The following VPS13B variants were observed in gnomAD, a reference collection of about 807,000 sequenced individuals.
VPS13B encodes the protein vacuolar protein sorting 13 homolog B.
A neutral mutation model predicts 426.4 loss-of-function variants in VPS13B; 285 were observed. The observed-to-expected ratio is 0.67, with a 90% CI of 0.61 to 0.74. The LOEUF is 0.74. Ranked by LOEUF, VPS13B falls within the 30% of genes least tolerant of loss-of-function variation. VPS13B has a pLI of 0.00. For synonymous variants in VPS13B, 1,676 were observed against 1,676.4 expected (o/e 1.00, Z 0.01); for missense variants, 4,537 against 4,782.6 (o/e 0.95, Z 1.51).
intron 3 of VPS13B, among the ~76,000 whole-genome samples, chr8:99,088,003 G>A (rs1845930670): frequency 1.3e-5 from 2 of 151,850 alleles, no homozygotes; most frequent in South Asian, 4.2e-4. Flanking sequence ...GGCCAATATG[G>A]TGAAACCCCA....
rs750181595 is a variant in VPS13B at position 99,520,896 on chromosome 8, C to T, written c.4634-3C>T. 2 of 1,612,868 alleles carry T rather than the reference C, an allele frequency of 1.2e-6. No homozygotes were observed. The highest frequency in any genetic ancestry group is 1.1e-5 in the South Asian group (1 of 91,052). On this transcript the variant is annotated splice_polypyrimidine_tract_variant and splice_region_variant and intron_variant, in intron 29 of 61. Coordinates refer to ENST00000357162, the MANE Select transcript of VPS13B (RefSeq NM_152564.5). Reference sequence around the variant, plus strand: ...ATTCATGAATCTCCTTCTTTTGTTACAGCTAATCAGGCAGCAAAAGAAGAC... The same window carrying T: ...ATTCATGAATCTCCTTCTTTTGTTATAGCTAATCAGGCAGCAAAAGAAGAC...
intron 29 of VPS13B, among the ~76,000 whole-genome samples, chr8:99,512,476 A>G (rs1821841196): frequency 6.6e-6 from 1 of 152,216 alleles, no homozygotes; most frequent in Admixed American, 6.5e-5. Context: ...AGGTTAGAAA[A>G]CAGAAATCTA....
At chr8:99,350,839 ATATG>A (rs1811840875) in intron 19 of VPS13B, among the ~76,000 whole-genome samples, 1 of 151,522 alleles carries the variant, frequency 6.6e-6, no homozygotes, top group Non-Finnish European at 1.5e-5. Flanking sequence ...GATATGAATT[ATATG>A]TATATGTAAT....
In VPS13B at chr8:99,135,118, A is replaced by G. The variant is rs1810007051; in HGVS notation, c.1406A>G (p.Asn469Ser). Residue 469 changes from asparagine to serine, a missense_variant, in exon 10 of 62, where the codon AAT becomes AGT. Asn to Ser is a conservative substitution (Grantham distance 46). Transcript: ENST00000357162. ...GIMGVKDFEE[N>S]MNRSETEACF... Reference sequence around the variant, plus strand: ...ATGGGTGTTAAAGATTTTGAAGAGAATATGAATAGAAGTGAAACTGTAAGT... The same window carrying G: ...ATGGGTGTTAAAGATTTTGAAGAGAGTATGAATAGAAGTGAAACTGTAAGT... The G allele has an allele frequency of 6.2e-7, 1 of 1,613,508 alleles. No individual in the cohort carries two copies. The highest frequency in any genetic ancestry group is 8.5e-7 in the Non-Finnish European group (1 of 1,179,552).
intron 17 of VPS13B, among the ~76,000 whole-genome samples, chr8:99,204,207 C>T (rs993754578): frequency 2.0e-5 from 3 of 152,160 alleles, no homozygotes; most frequent in African/African-American, 4.8e-5. Context: ...TAACACCACA[C>T]ATCTACAACC....
Position 99,384,226 on chromosome 8 carries a change from G to A in VPS13B, c.2843G>A (p.Ser948Asn), listed in dbSNP as rs749988222. 10 of 1,613,924 alleles carry A rather than the reference G, an allele frequency of 6.2e-6. No individual in the cohort carries two copies. The highest frequency in any genetic ancestry group is 3.3e-4 in the Middle Eastern group (2 of 6,058). The change falls in exon 20 of 62, where the codon AGT (serine) becomes AAT (asparagine). Residue 948 changes from serine (S) to asparagine (N), a missense_variant. Ser to Asn is a conservative substitution (Grantham distance 46, BLOSUM62 1). This residue lies in a region of VPS13B where 4,311 missense variants were observed against 4,474.3 expected (regional missense o/e 0.96). Coordinates refer to ENST00000357162, the MANE Select transcript of VPS13B (RefSeq NM_152564.5). ...CTTTTAGGTGCTGTACTTCTTTGCA[G>A]TATACAAGGACTAGCAGTTAATATT... ...CHNSGAVLLC[S>N]IQGLAVNIDP...
intron 35 of VPS13B, among the ~76,000 whole-genome samples, chr8:99,667,962 C>G (rs538838630): frequency 3.3e-5 from 5 of 152,162 alleles, no homozygotes; most frequent in African/African-American, 1.2e-4. Context: ...AATAACATTC[C>G]CTTTCCTTGA....
intron 23 of VPS13B, 67 bp from the exon 24 acceptor site, chr8:99,467,347 T>G: frequency 3.4e-6 from 5 of 1,450,446 alleles, no homozygotes; most frequent in Non-Finnish European, 4.8e-6. Context: ...TACATTTTAC[T>G]ATCAAGTGAA....
chr8:99,763,527 T>C (rs934553696), intron 39 of VPS13B, among the ~76,000 whole-genome samples: 1 of 152,164 alleles, frequency 6.6e-6, no homozygotes, highest in African/African-American at 2.4e-5. Flanking sequence ...GTAAAAGACA[T>C]TCCCATTTTA....
intron 58 of VPS13B, among the ~76,000 whole-genome samples, chr8:99,864,419 A>T (rs1816991543): frequency 6.6e-6 from 1 of 152,130 alleles, no homozygotes; most frequent in Non-Finnish European, 1.5e-5. Context: ...TTAGCCAGGC[A>T]TGGTGGCACA....
intron 24 of VPS13B, among the ~76,000 whole-genome samples, chr8:99,471,758 A>G (rs546424441): frequency 3.3e-5 from 5 of 152,266 alleles, no homozygotes; most frequent in South Asian, 4.1e-4. Flanking sequence ...CCTTTTTTAC[A>G]TATTGTCTAT....
intron 19 of VPS13B, among the ~76,000 whole-genome samples, chr8:99,358,002 TCACACACA>T (rs34418547): frequency 4.7e-4 from 68 of 144,412 alleles, no homozygotes; most frequent in African/African-American, 1.6e-3. Flanking sequence ...GGATTAAATA[TCACACACA>T]CACACACACA....
intron 47 of VPS13B, 141 bp downstream of exon 47, chr8:99,819,029 T>C (rs1814212923): frequency 1.1e-6 from 1 of 872,232 alleles, no homozygotes; most frequent in African/African-American, 1.7e-5. Flanking sequence ...TTTCTTATCT[T>C]ATGAGAATGT....
At chr8:99,551,209 G>T (rs1432939016) in intron 30 of VPS13B, among the ~76,000 whole-genome samples, 1 of 151,862 alleles carries the variant, frequency 6.6e-6, no homozygotes, top group African/African-American at 2.4e-5. Context: ...ATTTAGAATT[G>T]TCTTAACCTC....
chr8:99,684,295 G>A (rs1366093354), intron 35 of VPS13B, among the ~76,000 whole-genome samples: 4 of 151,954 alleles, frequency 2.6e-5, no homozygotes, highest in East Asian at 1.9e-4. Context: ...TTTTAGTATC[G>A]GTAATGATGG....
At chr8:99,826,562 T>A (rs1483901311) in intron 51 of VPS13B, among the ~76,000 whole-genome samples, 1 of 152,166 alleles carries the variant, frequency 6.6e-6, no homozygotes, top group South Asian at 2.1e-4. Flanking sequence ...ACCCTTTATT[T>A]CTTTCTTTTG....
At chr8:99,043,120 A>G (rs576239816) in intron 3 of VPS13B, among the ~76,000 whole-genome samples, 47 of 152,124 alleles carry the variant, frequency 3.1e-4, no homozygotes, top group African/African-American at 1.1e-3. Context: ...GAGAATTTCC[A>G]TACTTTCACA....
intron 43 of VPS13B, among the ~76,000 whole-genome samples, chr8:99,802,743 A>G (rs1432054685): frequency 6.6e-6 from 1 of 152,182 alleles, no homozygotes; most frequent in Non-Finnish European, 1.5e-5. Context: ...TTGTTAACTG[A>G]TAGCATTAAC....
In VPS13B at chr8:99,467,513, C is replaced by T. The variant is rs1222484989; in HGVS notation, c.3545C>T (p.Thr1182Ile). ...TGCCTAGTGGAACCTATGGGTTGCA[C>T]CTCCACTCTAGCTGTCACGTCTCAA... ...TLCLVEPMGC[T>I]STLAVTSQKL... is the part of the protein sequence containing the mutation. Residue 1182 changes from threonine to isoleucine, a missense_variant, in exon 24 of 62, where the codon ACC (threonine) becomes ATC (isoleucine). Thr to Ile is a moderately conservative substitution (Grantham distance 89, BLOSUM62 -1). Around this residue, in one of 2 missense-constraint regions of VPS13B, gnomAD observed 4,311 missense variants for 4,474.3 expected, o/e 0.96. Coordinates refer to ENST00000357162, the MANE Select transcript of VPS13B (RefSeq NM_152564.5). 6 of 1,613,644 alleles carry T rather than the reference C, an allele frequency of 3.7e-6. No individual in the cohort carries two copies. The African/African-American group carries it at 5.3e-5, about 14-fold the overall frequency.
Sources: allele counts gnomAD v4.1 joint callset (sites outside exome capture counted in the v4.1 genomes callset), GRCh38; gene constraint gnomAD v4.1.1; regional missense constraint gnomAD v4.1.1; transcripts MANE v1.5; gene names NCBI Gene and HGNC (gene_info 2026-07-23, HGNC 2026-07-21).